Variants in FAM178B observed in about 807,000 individuals in gnomAD.
FAM178B encodes family with sequence similarity 178 member B, also known as protein FAM178B.
A neutral mutation model predicts 91.7 loss-of-function variants in FAM178B; 82 were observed. The observed-to-expected ratio is 0.89, with a 90% CI of 0.75 to 1.07. The LOEUF (loss-of-function observed/expected upper bound fraction) is 1.07. FAM178B is among the 50% of genes least tolerant of loss of function. FAM178B has a pLI of 0.00. For missense variants in FAM178B, 769 were observed against 846.7 expected (o/e 0.91, Z 1.14); for synonymous variants, 368 against 359.4 (o/e 1.02, Z -0.27).
chr2:96,937,587 G>A lies in FAM178B; in HGVS notation c.1079-8267C>T, dbSNP rs1040643550. On this transcript the variant is annotated intron_variant, in intron 8 of 16. Coordinates refer to ENST00000490605, the MANE Select transcript of FAM178B (RefSeq NM_001122646.3). ...GGAGGCTTTAAAATGCTAATGCCCAGGCTGTGCCTCAGACTGATCTCAGAG... is the reference window on the plus strand; with the variant it reads ...GGAGGCTTTAAAATGCTAATGCCCAAGCTGTGCCTCAGACTGATCTCAGAG... 3.3e-5 allele frequency among the ~76,000 whole-genome samples: 5 copies of A among 152,192 alleles called. No individual in the cohort carries two copies. In the East Asian group the frequency reaches 7.7e-4, roughly 23 times the overall value.
chr2:96,945,469 A>T (rs2081811459), intron 8 of FAM178B, among the ~76,000 whole-genome samples: 1 of 152,184 alleles, frequency 6.6e-6, no homozygotes, highest in Admixed American at 6.5e-5. Flanking sequence ...CACAAACTCC[A>T]GGAAAGGATG....
chr2:96,976,854 TAAATA>T (rs1023259520), intron 1 of FAM178B, among the ~76,000 whole-genome samples: 81 of 147,434 alleles, frequency 5.5e-4, no homozygotes, highest in Admixed American at 9.5e-4. Flanking sequence ...TTTCAAAAAA[TAAATA>T]AAATAAAATA....
intron 12 of FAM178B, among the ~76,000 whole-genome samples, chr2:96,908,157 A>T: frequency 6.6e-6 from 1 of 152,226 alleles, no homozygotes; most frequent in East Asian, 1.9e-4. Flanking sequence ...CTGCAAGCCC[A>T]CAGCCACCAG....
chr2:96,906,936 G>A (rs1042665477), intron 12 of FAM178B, among the ~76,000 whole-genome samples: 5 of 152,210 alleles, frequency 3.3e-5, no homozygotes, highest in East Asian at 1.9e-4. Flanking sequence ...TCGTTTACTC[G>A]TTTACTCACA....
chr2:96,966,001 T>TC (rs1178008733), intron 5 of FAM178B, among the ~76,000 whole-genome samples: 2 of 151,752 alleles, frequency 1.3e-5, no homozygotes, highest in African/African-American at 4.8e-5. Context: ...CCTGGTCCCC[T>TC]CCCTCCTGCC....
At chr2:96,891,847 G>A (rs924944387) in intron 14 of FAM178B, among the ~76,000 whole-genome samples, 10 of 152,324 alleles carry the variant, frequency 6.6e-5, no homozygotes, top group East Asian at 1.9e-4. Context: ...ATGGGTAGGC[G>A]TCAAAAGGCA....
intron 12 of FAM178B, among the ~76,000 whole-genome samples, chr2:96,908,591 A>G (rs1016623184): frequency 1.3e-5 from 2 of 152,168 alleles, no homozygotes; most frequent in African/African-American, 4.8e-5. Context: ...GGAAGCTGTG[A>G]AAGTGATTAC....
At chr2:96,922,443 G>A (rs1203631969) in intron 10 of FAM178B, among the ~76,000 whole-genome samples, 2 of 151,608 alleles carry the variant, frequency 1.3e-5, no homozygotes, top group Admixed American at 6.6e-5. Flanking sequence ...TCCGCCTCCC[G>A]GGTTCCAGCA....
chr2:96,982,848 G>A (rs2153376602), intron 1 of FAM178B, among the ~76,000 whole-genome samples: 1 of 150,606 alleles, frequency 6.6e-6, no homozygotes, highest in South Asian at 2.1e-4. Context: ...CCAAAGTGCT[G>A]GGATTACAGG....
chr2:96,984,085 T>A (rs1468130460), intron 1 of FAM178B, among the ~76,000 whole-genome samples: 2 of 152,130 alleles, frequency 1.3e-5, no homozygotes, highest in African/African-American at 4.8e-5. Flanking sequence ...TTCTCCTGCC[T>A]CAGCCTCCTG....
At chr2:96,889,724 A>C (rs1022661608) in intron 14 of FAM178B, among the ~76,000 whole-genome samples, 4 of 86,956 alleles carry the variant, frequency 4.6e-5, no homozygotes, top group Non-Finnish European at 8.9e-5. Context: ...AAATAAATAC[A>C]AAAAAAAATA....
chr2:96,982,354 C>T (rs1420933740), intron 1 of FAM178B, among the ~76,000 whole-genome samples: 1 of 152,040 alleles, frequency 6.6e-6, no homozygotes, highest in Non-Finnish European at 1.5e-5. Flanking sequence ...CTTCTGCCTC[C>T]CAGCGTCAAG....
At chr2:96,893,862 T>C in intron 14 of FAM178B, 64 bp downstream of exon 14, 1 of 1,560,086 alleles carries the variant, frequency 6.4e-7, no homozygotes. Context: ...CAGCCCTGCC[T>C]TTCCCTGCTA....
chr2:96,976,873 T>TA (rs2082295323), intron 1 of FAM178B, among the ~76,000 whole-genome samples: 1 of 149,306 alleles, frequency 6.7e-6, no homozygotes, highest in African/African-American at 2.5e-5. Context: ...TAAAATAAAA[T>TA]AAATAAACAC....
At chr2:96,961,312 GGTGTGT>G (rs70964889) in intron 5 of FAM178B, among the ~76,000 whole-genome samples, 24 of 146,842 alleles carry the variant, frequency 1.6e-4, no homozygotes, top group Non-Finnish European at 3.2e-4. Context: ...AGCAGCAGAG[GGTGTGT>G]GTGTGTGTGT....
rs181932869 is a variant in FAM178B at position 96,918,447 on chromosome 2, C to A, written c.1562+2718G>T. On this transcript the variant is annotated intron_variant, in intron 12 of 16. Coordinates refer to ENST00000490605, the MANE Select transcript of FAM178B (RefSeq NM_001122646.3). ...GCAATCAGGGAAATGAAAATTAGAA[C>A]CACAGGATGATGTTTTCCACTCACC... Among the ~76,000 whole-genome samples, 295 of 152,260 alleles carry A rather than the reference C, an allele frequency of 1.9e-3. 11 individuals are homozygous for A. In the East Asian group the frequency reaches 0.04, roughly 21 times the overall value.
At position 96,979,178 on chromosome 2, in the gene FAM178B, C is replaced by T. The variant is rs1452879109; in HGVS notation, c.74-6572G>A. On this transcript the variant is annotated intron_variant, in intron 1 of 16. Coordinates refer to ENST00000490605, the MANE Select transcript of FAM178B (RefSeq NM_001122646.3). ...TTTTAGTAGAGATGGGGTTTCACCA[C>T]GTTGGCCAGGATGGTCTCCATCTCC... Among the ~76,000 whole-genome samples the T allele has an allele frequency of 7.9e-5, 11 of 139,736 alleles. No individual in the cohort carries two copies. The East Asian group carries it at 2.3e-3, about 29-fold the overall frequency. 91.7% of individuals were successfully genotyped at this position (139,736 alleles called of 152,430 possible). A position where few individuals can be genotyped will look rare whatever the true frequency, so the allele number is the denominator to read the frequency against.
At chr2:96,933,258 A>T (rs994072629) in intron 8 of FAM178B, among the ~76,000 whole-genome samples, 3 of 152,148 alleles carry the variant, frequency 2.0e-5, no homozygotes, top group Non-Finnish European at 4.4e-5. Flanking sequence ...AAAATAAAAA[A>T]AAAAATTAAA....
rs372668986 is a variant in FAM178B at position 96,876,128 on chromosome 2, C to T, written c.*148G>A. 283 of 746,608 alleles carry T rather than the reference C, an allele frequency of 3.8e-4. 2 individuals carry two copies. The highest frequency in any genetic ancestry group is 3.1e-3 in the South Asian group (173 of 56,314). 46.2% of individuals were successfully genotyped at this position (746,608 alleles called of 1,614,324 possible). The stretch of plus-strand genomic sequence containing the variant: ...AGGCTCTTGCAGAGAGGAGAGGGGT[C>T]GGGGCGGTGGCAGGGGCAGGCTCTT... On this transcript the variant is annotated 3_prime_UTR_variant, in exon 17 of 17. Transcript: ENST00000490605.
Sources: gnomAD v4.1 joint callset for allele counts (sites outside exome capture counted in the v4.1 genomes callset) on GRCh38, gnomAD v4.1.1 for gene constraint, MANE v1.5 for transcripts, NCBI Gene and HGNC (gene_info 2026-07-23, HGNC 2026-07-21) for gene names.